The following IFT81 variants were observed in gnomAD, a reference collection of about 807,000 sequenced individuals.
The protein encoded by IFT81 is intraflagellar transport 81.
IFT81 carries 72 observed loss-of-function variants against 102.6 expected under a neutral mutation model. The ratio of observed to expected loss-of-function variants is 0.70; its 90% CI spans 0.58 to 0.85. The LOEUF (loss-of-function observed/expected upper bound fraction) is 0.85, where lower values mean the gene tolerates loss of function less well. Among genes scored for constraint, IFT81 ranks in the 40% least tolerant of loss-of-function variants. The probability of loss-of-function intolerance (pLI) is 0.00; values close to 1 mark genes in which losing one functional copy is unlikely to be tolerated. For missense variants in IFT81, 723 were observed against 787.3 expected (o/e 0.92, Z 0.98); for synonymous variants, 237 against 242.7 (o/e 0.98, Z 0.22).
At chr12:110,196,737 A>T (rs1898017566) in intron 14 of IFT81, among the ~76,000 whole-genome samples, 1 of 152,180 alleles carries the variant, frequency 6.6e-6, no homozygotes, top group Non-Finnish European at 1.5e-5. Context: ...TTCTGTCTTT[A>T]TTTTTAAACT....
rs747073275 is a variant in IFT81 at position 110,136,871 on chromosome 12, A to G, written c.781+11A>G. On this transcript the variant is annotated intron_variant, in intron 8 of 18. Transcript: ENST00000242591. ...ATGCAAAGCCTGAAAGTAAGTGGAA[A>G]TTATTATATGGTATAGATGATTAGA... is the stretch of plus-strand genomic sequence containing the variant. The G allele has an allele frequency of 2.6e-6, 4 of 1,519,598 alleles. No individual in the cohort carries two copies. The highest frequency in any genetic ancestry group is 8.9e-7 in the Non-Finnish European group (1 of 1,119,920). The allele number at this position is 1,519,598 out of a possible 1,614,324, so 94.1% of individuals were successfully genotyped here.
intron 11 of IFT81, among the ~76,000 whole-genome samples, chr12:110,176,395 G>A (rs1215517544): frequency 6.6e-6 from 1 of 152,120 alleles, no homozygotes; most frequent in African/African-American, 2.4e-5. Context: ...GGAATGGAAG[G>A]GAAAAGGAGG....
At chr12:110,199,495 A>G (rs1039632859) in intron 14 of IFT81, among the ~76,000 whole-genome samples, 1 of 152,228 alleles carries the variant, frequency 6.6e-6, no homozygotes, top group African/African-American at 2.4e-5. Flanking sequence ...GAGGACAGCT[A>G]TGATCACTGT....
At chr12:110,179,769 T>G (rs761836565) in intron 11 of IFT81, among the ~76,000 whole-genome samples, 2 of 65,386 alleles carry the variant, frequency 3.1e-5, no homozygotes, top group African/African-American at 1.1e-4. Flanking sequence ...TATATATATA[T>G]ATATACACAC....
At position 110,183,777 on chromosome 12, in the gene IFT81, CT is replaced by C. The variant is rs1593348301; in HGVS notation, c.1338+3207del. 2.6e-5 allele frequency among the ~76,000 whole-genome samples: 4 copies of C among 152,224 alleles called. No individual in the cohort carries two copies. In the East Asian group the frequency reaches 7.7e-4, roughly 29 times the overall value. ...GACCAACAAGCTGAGCCATTTGCCACTGCCCAGAGGATACAGGATAATCTGG... is the reference window on the plus strand; with the variant it reads ...GACCAACAAGCTGAGCCATTTGCCACGCCCAGAGGATACAGGATAATCTGG... On this transcript the variant is annotated intron_variant, in intron 12 of 18. Transcript: ENST00000242591.
chr12:110,148,571 G>T (rs1205642918), intron 10 of IFT81, among the ~76,000 whole-genome samples: 1 of 151,838 alleles, frequency 6.6e-6, no homozygotes, highest in African/African-American at 2.4e-5. Context: ...CGCCTCCCAG[G>T]TTCAAGCAAT....
chr12:110,128,725 G>A (rs1327685901), intron 3 of IFT81, among the ~76,000 whole-genome samples: 3 of 148,232 alleles, frequency 2.0e-5, no homozygotes, highest in South Asian at 2.1e-4. Context: ...TGAGCCAGGA[G>A]GTTAAGGCTT....
intron 11 of IFT81, among the ~76,000 whole-genome samples, chr12:110,163,428 A>C (rs1383594427): frequency 1.3e-5 from 2 of 151,830 alleles, no homozygotes; most frequent in Non-Finnish European, 2.9e-5. Context: ...TTTAGTAGAG[A>C]CAGAGTTTTA....
intron 17 of IFT81, among the ~76,000 whole-genome samples, 189 bp downstream of exon 17, chr12:110,205,869 TCTTG>T (rs1243875433): frequency 1.3e-5 from 2 of 152,244 alleles, no homozygotes; most frequent in Non-Finnish European, 2.9e-5. Context: ...TGATTTTATT[TCTTG>T]CTTGCTTACT....
At chr12:110,158,629 G>A (rs554504522) in intron 10 of IFT81, among the ~76,000 whole-genome samples, 49 of 150,604 alleles carry the variant, frequency 3.3e-4, no homozygotes, top group Admixed American at 2.7e-3. Context: ...TCGCTCTTTC[G>A]CCCAGGCCAA....
intron 17 of IFT81, among the ~76,000 whole-genome samples, chr12:110,207,034 A>AT (rs776646818): frequency 0.029 from 4,193 of 146,504 alleles, 81 homozygotes; most frequent in Middle Eastern, 0.083. Flanking sequence ...TTCTAGCCAG[A>AT]TTTTTTTTTT....
Position 110,185,852 on chromosome 12 carries a change from A to T in IFT81, c.1339-5068A>T, listed in dbSNP as rs138169129. Reference sequence around the variant, plus strand: ...GGGGCTCAGGCAATCCTCCTACCTCAGCCTCCCAAAATGCTAGGATTACAG... The same window carrying T: ...GGGGCTCAGGCAATCCTCCTACCTCTGCCTCCCAAAATGCTAGGATTACAG... On this transcript the variant is annotated intron_variant, in intron 12 of 18. Coordinates refer to ENST00000242591, the MANE Select transcript of IFT81 (RefSeq NM_014055.4). 1.2e-3 allele frequency among the ~76,000 whole-genome samples: 186 copies of T among 150,992 alleles called. 1 individual carries two copies. The highest frequency in any genetic ancestry group is 7.0e-3 in the Middle Eastern group (2 of 286).
chr12:110,144,863 CTTTTT>C (rs34675452), intron 9 of IFT81, among the ~76,000 whole-genome samples: 2 of 93,074 alleles, frequency 2.1e-5, no homozygotes, highest in Non-Finnish European at 4.0e-5. Context: ...GGTGCAGTGC[CTTTTT>C]TTTTTTTTTT....
intron 4 of IFT81, among the ~76,000 whole-genome samples, chr12:110,130,655 C>T (rs1411835118): frequency 6.6e-6 from 1 of 152,020 alleles, no homozygotes; most frequent in Non-Finnish European, 1.5e-5. Context: ...GCGTGAGCCA[C>T]GGTGCACGAC....
chr12:110,148,173 C>T (rs1378699031), intron 10 of IFT81, among the ~76,000 whole-genome samples: 1 of 152,102 alleles, frequency 6.6e-6, no homozygotes, highest in African/African-American at 2.4e-5. Context: ...AAAACTGGTT[C>T]ATTTTTCCCA....
At chr12:110,207,140 C>G (rs1337997241) in intron 17 of IFT81, among the ~76,000 whole-genome samples, 1 of 152,086 alleles carries the variant, frequency 6.6e-6, no homozygotes, top group African/African-American at 2.4e-5. Context: ...AACATATTCT[C>G]CTGCCTCAGC....
intron 8 of IFT81, among the ~76,000 whole-genome samples, chr12:110,139,943 A>G (rs1338564319): frequency 2.0e-5 from 3 of 151,352 alleles, no homozygotes; most frequent in Non-Finnish European, 2.9e-5. Flanking sequence ...GTACATGCCG[A>G]TAGTCCTAGC....
At chr12:110,135,783 C>T (rs1593282336) in intron 7 of IFT81, among the ~76,000 whole-genome samples, 1 of 150,226 alleles carries the variant, frequency 6.7e-6, no homozygotes, top group South Asian at 2.1e-4. Flanking sequence ...AGGAGAATCA[C>T]TTGAACCCAG....
At chr12:110,186,455 A>G (rs1407781928) in intron 12 of IFT81, among the ~76,000 whole-genome samples, 2 of 151,958 alleles carry the variant, frequency 1.3e-5, no homozygotes, top group South Asian at 2.1e-4. Flanking sequence ...TTCTCAGCCA[A>G]TGTTTATTTA....
Sources: gnomAD v4.1 joint callset for allele counts (sites outside exome capture counted in the v4.1 genomes callset) on GRCh38, gnomAD v4.1.1 for gene constraint, MANE v1.5 for transcripts, NCBI Gene and HGNC (gene_info 2026-07-23, HGNC 2026-07-21) for gene names.